MTNAP1: variants seen among roughly 807,000 people sequenced by gnomAD.
MTNAP1 encodes the protein mitochondrial nucleoid-associated protein 1.
chr17:73,237,413 C>T, the MTNAP1 span, among the ~76,000 whole-genome samples: 2 of 149,936 alleles, frequency 1.3e-5, no homozygotes, highest in Non-Finnish European at 1.5e-5. Context: ...GCAGCCTGGG[C>T]GACGGGAATG....
At chr17:73,237,715 C>G in the MTNAP1 span, among the ~76,000 whole-genome samples, 1 of 144,566 alleles carries the variant, frequency 6.9e-6, no homozygotes, top group South Asian at 2.1e-4. Context: ...GAAATAGGTT[C>G]TAAGTTTACA....
the MTNAP1 span, chr17:73,245,376 T>C: frequency 2.3e-6 from 3 of 1,294,678 alleles, no homozygotes; most frequent in Non-Finnish European, 3.0e-6. Context: ...ATTATTAATA[T>C]AGACAGATCT....
At chr17:73,241,044 TTCTTTA>T in the MTNAP1 span, among the ~76,000 whole-genome samples, 3 of 152,260 alleles carry the variant, frequency 2.0e-5, no homozygotes, top group African/African-American at 7.2e-5. Context: ...GTTTAATTTC[TTCTTTA>T]TCTTGATGAA....
chr17:73,248,560 C>G, the MTNAP1 span: 2 of 1,551,050 alleles, frequency 1.3e-6, no homozygotes, highest in Admixed American at 2.0e-5. Flanking sequence ...ACAAATGCAG[C>G]GTGAGAATCC....
the MTNAP1 span, among the ~76,000 whole-genome samples, chr17:73,234,832 A>C: frequency 1.3e-4 from 17 of 132,810 alleles, no homozygotes; most frequent in African/African-American, 4.1e-4. Context: ...TTCATTTCTC[A>C]TTCTTTGATT....
At chr17:73,238,843 G>A in the MTNAP1 span, among the ~76,000 whole-genome samples, 1 of 152,160 alleles carries the variant, frequency 6.6e-6, no homozygotes, top group Non-Finnish European at 1.5e-5. Context: ...CTGAGGCCTA[G>A]TTTAATCTTT....
the MTNAP1 span, chr17:73,245,047 G>A: frequency 4.5e-6 from 4 of 886,946 alleles, no homozygotes; most frequent in Non-Finnish European, 7.1e-6. Context: ...TTCTCATTGT[G>A]CTTAATACTC....
chr17:73,245,315 A>C, the MTNAP1 span: 1 of 1,418,076 alleles, frequency 7.1e-7, no homozygotes, highest in Non-Finnish European at 9.3e-7. Flanking sequence ...AGTGAAAAAA[A>C]TAAAGAATAA....
At chr17:73,245,512 TAAGA>T in the MTNAP1 span, 1 of 985,388 alleles carries the variant, frequency 1.0e-6, no homozygotes, top group South Asian at 4.7e-5. Context: ...TCACTAAAAT[TAAGA>T]AGTCACTTCT....
At chr17:73,244,962 A>T in the MTNAP1 span, among the ~76,000 whole-genome samples, 1 of 152,242 alleles carries the variant, frequency 6.6e-6, no homozygotes, top group Non-Finnish European at 1.5e-5. Context: ...GGCTTTTCTT[A>T]AAGTTTTACC....
chr17:73,235,824 TC>T, the MTNAP1 span: 4 of 1,614,066 alleles, frequency 2.5e-6, no homozygotes, highest in Admixed American at 5.0e-5. Flanking sequence ...ACATCAAGAA[TC>T]CAATCCAACC....
chr17:73,240,258 T>C, the MTNAP1 span, among the ~76,000 whole-genome samples: 78,113 of 152,036 alleles, frequency 0.51, 20,162 homozygotes, highest in East Asian at 0.62. Flanking sequence ...CTAATAAATG[T>C]TGTACTTAGT....
chr17:73,239,610 C>T, the MTNAP1 span, among the ~76,000 whole-genome samples: 1 of 151,850 alleles, frequency 6.6e-6, no homozygotes, highest in Non-Finnish European at 1.5e-5. Context: ...CCTCCACCTC[C>T]CAGGTTCAAG....
chr17:73,241,259 G>C, the MTNAP1 span, among the ~76,000 whole-genome samples: 2 of 152,140 alleles, frequency 1.3e-5, no homozygotes, highest in African/African-American at 4.8e-5. Context: ...CTGGGTTCAC[G>C]CCATTCTCCT....
the MTNAP1 span, among the ~76,000 whole-genome samples, chr17:73,234,812 TTAG>T: frequency 1.3e-5 from 2 of 151,610 alleles, no homozygotes; most frequent in South Asian, 2.1e-4. Flanking sequence ...TTACTAAATG[TTAG>T]TAGAGCTTCA....
chr17:73,242,242 A>T, the MTNAP1 span: 1 of 1,568,568 alleles, frequency 6.4e-7, no homozygotes, highest in Non-Finnish European at 8.7e-7. Context: ...TTGGAACCAT[A>T]GTTTCTTTGT....
At chr17:73,247,188 CAG>C in the MTNAP1 span, 2 of 1,540,862 alleles carry the variant, frequency 1.3e-6, no homozygotes, top group Non-Finnish European at 1.8e-6. Flanking sequence ...GTAGTTGCGA[CAG>C]AAACCATATG....
At chr17:73,247,680 G>C in the MTNAP1 span, 1 of 198,138 alleles carries the variant, frequency 5.0e-6, no homozygotes, top group African/African-American at 2.3e-5. Context: ...TAAGGCAAAG[G>C]TGAGATCCTG....
At chr17:73,246,477 A>G in the MTNAP1 span, among the ~76,000 whole-genome samples, 3 of 152,222 alleles carry the variant, frequency 2.0e-5, no homozygotes, top group Non-Finnish European at 4.4e-5. Flanking sequence ...CGGAGGCTGC[A>G]GTGAGCTGAG....
Sources: allele counts gnomAD v4.1 joint callset (sites outside exome capture counted in the v4.1 genomes callset), GRCh38; gene constraint gnomAD v4.1.1; transcripts MANE v1.5; gene names NCBI Gene and HGNC (gene_info 2026-07-23, HGNC 2026-07-21).